Variants in TNC observed in about 807,000 individuals in gnomAD.
TNC encodes tenascin.
In TNC, 109 loss-of-function variants were observed where a neutral mutation model predicts 202.4. That is an observed-to-expected ratio of 0.54 (90% CI 0.46 to 0.63). The LOEUF is 0.63. Among genes scored for constraint, TNC ranks in the 30% least tolerant of loss-of-function variants. TNC has a pLI of 0.00. For synonymous variants in TNC, 1,007 were observed against 1,089.7 expected (o/e 0.92, Z 1.50); for missense variants, 2,756 against 2,833.3 (o/e 0.97, Z 0.62).
At position 115,090,750 on chromosome 9, in the gene TNC, T is replaced by G; in HGVS notation, c.269A>C (p.His90Pro). 6.2e-7 allele frequency: 1 copy of G among 1,614,246 alleles called. No homozygotes were observed. The highest frequency in any genetic ancestry group is 2.2e-5 in the East Asian group (1 of 44,884). The change falls in exon 2 of 28, where the codon CAC (histidine) becomes CCC (proline). Residue 90 changes from histidine to proline, a missense_variant. Physicochemically the swap from His to Pro is moderately conservative, Grantham distance 77. Transcript: ENST00000350763. ...AATCTGGTTTTCCCCATCCACTGTG[T>G]GCTCCTGAAAGCTTTCGCTGGGCTC... The part of the protein sequence containing the change: ...PSEPSESFQE[H>P]TVDGENQIVF...
In TNC at chr9:115,090,913, C is replaced by T. The variant is rs746885287; in HGVS notation, c.106G>A (p.Gly36Arg). 4 of 1,614,180 alleles carry T rather than the reference C, an allele frequency of 2.5e-6. No individual in the cohort carries two copies. The highest frequency in any genetic ancestry group is 2.2e-5 in the East Asian group (1 of 44,876). ...KKVIRHKRQSGVNATLPEENQ... is the reference protein window; with the variant it reads ...KKVIRHKRQSRVNATLPEENQ... ...TCTTCTGGCAGGGTGGCGTTCACCC[C>T]ACTCTGTCGCTTGTGCCGGATGACT... Residue 36 changes from glycine to arginine, a missense_variant, in exon 2 of 28, where the codon GGG becomes AGG. Physicochemically the swap from Gly to Arg is moderately radical, Grantham distance 125. This residue lies in a region of TNC where 2,559 missense variants were observed against 2,546.0 expected (regional missense o/e 1.01). Transcript: ENST00000350763.
chr9:115,043,594 C>A (rs1830939935), intron 17 of TNC, among the ~76,000 whole-genome samples: 1 of 152,242 alleles, frequency 6.6e-6, no homozygotes, highest in South Asian at 2.1e-4. Context: ...AAACTCCCAG[C>A]ACAGCATCTG....
At chr9:115,041,222 C>T in intron 18 of TNC, 138 bp from the exon 19 acceptor site, 3 of 994,536 alleles carry the variant, frequency 3.0e-6, no homozygotes, top group South Asian at 2.0e-5. Context: ...TTCTCATTTG[C>T]TCCTACCCTC....
chr9:115,081,611 A>T (rs919880325), intron 6 of TNC, among the ~76,000 whole-genome samples, 161 bp downstream of exon 6: 6 of 152,212 alleles, frequency 3.9e-5, no homozygotes, highest in African/African-American at 1.2e-4. Context: ...AATCACCAAC[A>T]TGCAAAGAAT....
intron 10 of TNC, among the ~76,000 whole-genome samples, chr9:115,065,722 C>T (rs562709770): frequency 3.0e-4 from 45 of 151,710 alleles, no homozygotes; most frequent in Non-Finnish European, 4.6e-4. Flanking sequence ...GACAACATGG[C>T]GAAACCCCGT....
intron 6 of TNC, among the ~76,000 whole-genome samples, chr9:115,080,391 A>C (rs1413316577): frequency 6.6e-6 from 1 of 152,118 alleles, no homozygotes; most frequent in East Asian, 1.9e-4. Context: ...GATGGAAAAC[A>C]CTTGCTTATG....
rs141624690 is a variant in TNC at position 115,086,481 on chromosome 9, C to A, written c.1250G>T (p.Arg417Leu). ...KCPNGCSGHG[R>L]CVNGQCVCDE... ...ACACACACACTGCCCATTGACACAG[C>A]GGCCATGGCCACTGCAGCCATTGGG... The change falls in exon 3 of 28, where the codon CGC (arginine) becomes CTC (leucine). Residue 417 changes from arginine (R) to leucine (L), a missense_variant. Arg to Leu is a moderately radical substitution (Grantham distance 102). Coordinates refer to ENST00000350763, the MANE Select transcript of TNC (RefSeq NM_002160.4). 6.2e-7 allele frequency: 1 copy of A among 1,613,858 alleles called. No homozygotes were observed. Among genetic ancestry groups the A allele is most frequent in the South Asian group, 1.1e-5 (1 of 91,080 alleles).
At chr9:115,035,154 C>A in intron 22 of TNC, 50 bp downstream of exon 22, 2 of 1,524,582 alleles carry the variant, frequency 1.3e-6, no homozygotes, top group Non-Finnish European at 8.8e-7. Context: ...CTTTGAAGAT[C>A]ATGCAAATGC....
Position 115,040,929 on chromosome 9 carries a change from C to T in TNC, c.5392+12G>A, listed in dbSNP as rs746654711. On this transcript the variant is annotated intron_variant, in intron 19 of 27. Transcript: ENST00000350763. Reference sequence around the variant, plus strand: ...GTAACACACACACACACACACAACCCCACCAACTCACCTGTGGTGAATGAC... The same window carrying T: ...GTAACACACACACACACACACAACCTCACCAACTCACCTGTGGTGAATGAC... The T allele has an allele frequency of 2.3e-5, 36 of 1,572,168 alleles. No homozygotes were observed. Among genetic ancestry groups the T allele is most frequent in the Non-Finnish European group, 3.1e-5 (36 of 1,159,834 alleles).
At chr9:115,040,892 C>T in intron 19 of TNC, 49 bp downstream of exon 19, 1 of 1,529,254 alleles carries the variant, frequency 6.5e-7, no homozygotes, top group Non-Finnish European at 8.8e-7. Context: ...CACAAGTGAC[C>T]TCTGAAAAAT....
chr9:115,087,114 A>G lies in TNC; in HGVS notation c.617T>C (p.Ile206Thr). The G allele has an allele frequency of 6.2e-7, 1 of 1,614,184 alleles. No homozygotes were observed. Among genetic ancestry groups the G allele is most frequent in the Non-Finnish European group, 8.5e-7 (1 of 1,180,050 alleles). Residue 206 changes from isoleucine to threonine, a missense_variant, in exon 3 of 28, where the codon ATC becomes ACC. Around this residue, in one of 2 missense-constraint regions of TNC, gnomAD observed 2,559 missense variants for 2,546.0 expected, o/e 1.01. Transcript: ENST00000350763. Reference sequence around the variant, plus strand: ...CTCGCCCGTGAAGCCGTCGTCACAGATGCACTGCCCATCAATGCACCGGCC... The same window carrying G: ...CTCGCCCGTGAAGCCGTCGTCACAGGTGCACTGCCCATCAATGCACCGGCC... ...LRGRCIDGQCICDDGFTGEDC... is the reference protein window; with the variant it reads ...LRGRCIDGQCTCDDGFTGEDC...
rs77106496 is a variant in TNC, at chr9:115,034,758, G to C, written c.5787+446C>G. On this transcript the variant is annotated intron_variant, in intron 22 of 27. Coordinates refer to ENST00000350763, the MANE Select transcript of TNC (RefSeq NM_002160.4). Reference sequence around the variant, plus strand: ...AAAAGGTAAAAGAAAGAAAATTCTTGGGTAGCGAATATAAATAATATAAAC... The same window carrying C: ...AAAAGGTAAAAGAAAGAAAATTCTTCGGTAGCGAATATAAATAATATAAAC... Among the ~76,000 whole-genome samples the C allele has an allele frequency of 1.1e-3, 171 of 152,242 alleles. 3 individuals are homozygous for C. The East Asian group carries it at 0.03, about 27-fold the overall frequency.
intron 1 of TNC, among the ~76,000 whole-genome samples, chr9:115,095,776 G>T (rs1322492385): frequency 6.8e-6 from 1 of 147,390 alleles, no homozygotes; most frequent in Non-Finnish European, 1.5e-5. Flanking sequence ...AATATGTGAT[G>T]TAACATAATA....
chr9:115,063,673 T>C lies in TNC; in HGVS notation c.3760+123A>G, dbSNP rs1336548470. 2.2e-5 allele frequency: 24 copies of C among 1,072,926 alleles called. No homozygotes were observed. In the South Asian group the frequency reaches 2.8e-4, roughly 12 times the overall value. 66.5% of individuals were successfully genotyped at this position (1,072,926 alleles called of 1,614,324 possible). A position where few individuals can be genotyped will look rare whatever the true frequency, so the allele number is the denominator to read the frequency against. On this transcript the variant is annotated intron_variant, in intron 12 of 27. Coordinates refer to ENST00000350763, the MANE Select transcript of TNC (RefSeq NM_002160.4). ...TGTGACATTTAGGAAGAAGCAGAGA[T>C]GATTCACTGGTATTTCCCCAATGTG...
intron 22 of TNC, among the ~76,000 whole-genome samples, chr9:115,034,212 CATAAT>C (rs1195645981): frequency 3.3e-5 from 5 of 152,186 alleles, no homozygotes; most frequent in Admixed American, 3.3e-4. Flanking sequence ...ACACTGGAAA[CATAAT>C]AAGATGAAAG....
At chr9:115,079,336 T>A (rs1834124986) in intron 6 of TNC, among the ~76,000 whole-genome samples, 2 of 152,112 alleles carry the variant, frequency 1.3e-5, no homozygotes, top group Non-Finnish European at 2.9e-5. Flanking sequence ...TACAGCAGAT[T>A]GTGAGAAAAC....
intron 6 of TNC, among the ~76,000 whole-genome samples, chr9:115,078,496 A>C (rs1395560309): frequency 3.3e-5 from 5 of 152,056 alleles, no homozygotes; most frequent in Non-Finnish European, 7.4e-5. Flanking sequence ...TCACATGAAA[A>C]AAAAAAAGGT....
At chr9:115,108,777 G>T (rs1303328662) in intron 1 of TNC, among the ~76,000 whole-genome samples, 1 of 152,174 alleles carries the variant, frequency 6.6e-6, no homozygotes, top group Non-Finnish European at 1.5e-5. Flanking sequence ...TTCATAAATA[G>T]AATTTGTGCC....
At chr9:115,052,704 T>C (rs1831790252) in intron 15 of TNC, 5 of 674,426 alleles carry the variant, frequency 7.4e-6, no homozygotes, top group Non-Finnish European at 5.5e-6. Context: ...TCCTTTTCTC[T>C]CTGTGTTAGA....
Sources: gnomAD v4.1 joint callset for allele counts (sites outside exome capture counted in the v4.1 genomes callset) on GRCh38, gnomAD v4.1.1 for gene constraint, gnomAD v4.1.1 regional missense constraint, MANE v1.5 for transcripts, NCBI Gene and HGNC (gene_info 2026-07-23, HGNC 2026-07-21) for gene names.